NUP160: variants seen among roughly 807,000 people sequenced by gnomAD.
NUP160 encodes nucleoporin 160.
In NUP160, 94 loss-of-function variants were observed where a neutral mutation model predicts 196.9. The observed-to-expected ratio is 0.48, with a 90% CI of 0.40 to 0.57. The LOEUF is 0.57. Among genes scored for constraint, NUP160 ranks in the 20% least tolerant of loss-of-function variants. The probability of loss-of-function intolerance (pLI) is 0.00; values close to 1 mark genes in which losing one functional copy is unlikely to be tolerated. For missense variants in NUP160, 1,638 were observed against 1,748.3 expected, an observed-to-expected ratio of 0.94 and a Z score of 1.13; for synonymous variants, 605 against 619.7, an observed-to-expected ratio of 0.98 and a Z score of 0.35.
chr11:47,785,230 C>T (rs1382074934), intron 32 of NUP160, among the ~76,000 whole-genome samples, 167 bp from the exon 33 acceptor site: 1 of 151,700 alleles, frequency 6.6e-6, no homozygotes, highest in Non-Finnish European at 1.5e-5. Flanking sequence ...AGCCTCAGCC[C>T]CAGATTCTCC....
At chr11:47,791,156 TTC>T (rs2097667683) in intron 29 of NUP160, among the ~76,000 whole-genome samples, 2 of 79,422 alleles carry the variant, frequency 2.5e-5, no homozygotes, top group Non-Finnish European at 8.2e-5. Context: ...AAATTTTCTC[TTC>T]TTTTTTTTTA....
In NUP160 at chr11:47,781,841, A is replaced by G. The variant is rs2097661038; in HGVS notation, c.4116+1232T>C. ...TGCCATATTATTTTGATAGAGAAAGATGAAATTCCTATTTTATAAACAGGA... is the reference window on the plus strand; with the variant it reads ...TGCCATATTATTTTGATAGAGAAAGGTGAAATTCCTATTTTATAAACAGGA... On this transcript the variant is annotated intron_variant, in intron 34 of 35. Transcript: ENST00000378460. Among the ~76,000 whole-genome samples, 3 of 152,200 alleles carry G rather than the reference A, an allele frequency of 2.0e-5. No homozygotes were observed. In the South Asian group the frequency reaches 6.2e-4, roughly 32 times the overall value.
rs753596117 is a variant in NUP160 at position 47,822,112 on chromosome 11, T to C, written c.1154A>G (p.His385Arg). 12 of 1,610,458 alleles carry C rather than the reference T, an allele frequency of 7.5e-6. No individual in the cohort carries two copies. In the South Asian group the frequency reaches 1.0e-4, roughly 13 times the overall value. Residue 385 changes from histidine (H) to arginine (R), a missense_variant, in exon 8 of 36, where the codon CAT becomes CGT. This residue lies in a region of NUP160 where 1,345 missense variants were observed against 1,470.2 expected (regional missense o/e 0.91). Transcript: ENST00000378460. ...CTGAGAAGTGAACAGTGAAGAAATA[T>C]GATCGAGACTATAGCGATTACTCTC...
At chr11:47,796,324 C>G in intron 27 of NUP160, 1 of 696,108 alleles carries the variant, frequency 1.4e-6, no homozygotes, top group South Asian at 1.5e-5. Context: ...AGCTCCAGGG[C>G]TACCTGTGAT....
chr11:47,792,596 A>G, intron 28 of NUP160, 190 bp downstream of exon 28: 1 of 541,466 alleles, frequency 1.8e-6, no homozygotes, highest in Non-Finnish European at 3.1e-6. Context: ...AATAATTCTG[A>G]ACTTGAAAAC....
At chr11:47,819,311 T>TG in intron 10 of NUP160, 63 bp downstream of exon 10, 2 of 1,012,450 alleles carry the variant, frequency 2.0e-6, no homozygotes, top group South Asian at 1.3e-5. Context: ...AGACTCTGTC[T>TG]CAAAAAAAAA....
rs545158499 is a variant in NUP160 at position 47,792,613 on chromosome 11, G to A, written c.3450+173C>T. The A allele has an allele frequency of 1.0e-4, 63 of 615,450 alleles. 2 individuals are homozygous for A. In the South Asian group the frequency reaches 1.4e-3, roughly 14 times the overall value. 38.1% of individuals were successfully genotyped at this position (615,450 alleles called of 1,614,324 possible). On this transcript the variant is annotated intron_variant, in intron 28 of 35. Coordinates refer to ENST00000378460, the Ensembl canonical transcript of NUP160. ...TAATTCTGAACTTGAAAACTAAAGGGGTAGTAATATACAACAATTGAATTG... is the reference window on the plus strand; with the variant it reads ...TAATTCTGAACTTGAAAACTAAAGGAGTAGTAATATACAACAATTGAATTG...
intron 6 of NUP160, among the ~76,000 whole-genome samples, chr11:47,836,197 G>A (rs192842122): frequency 1.2e-4 from 18 of 152,234 alleles, no homozygotes; most frequent in Non-Finnish European, 2.5e-4. Flanking sequence ...GCAGTGAGGT[G>A]AGACTGCGCC....
At chr11:47,841,579 T>C (rs1427063197) in intron 2 of NUP160, 2 of 428,014 alleles carry the variant, frequency 4.7e-6, no homozygotes, top group African/African-American at 2.1e-5. Context: ...ATCTACGAGT[T>C]TGCCACCGAA....
intron 22 of NUP160, 80 bp from the exon 23 acceptor site, chr11:47,802,010 G>A: frequency 2.9e-6 from 4 of 1,385,212 alleles, no homozygotes; most frequent in Admixed American, 2.1e-5. Context: ...CACATGTAAG[G>A]GAAAGCCAAA....
exon 23 of NUP160, chr11:47,801,851 C>T: frequency 6.2e-7 from 1 of 1,613,930 alleles, no homozygotes; most frequent in South Asian, 1.1e-5. Flanking sequence ...CACGATCTCC[C>T]CATCCTCTGA....
chr11:47,826,722 T>C (rs984658826), intron 7 of NUP160, among the ~76,000 whole-genome samples: 2 of 151,984 alleles, frequency 1.3e-5, no homozygotes, highest in African/African-American at 4.8e-5. Context: ...GCCACCACGC[T>C]TGGCTAATTT....
At chr11:47,788,370 G>A in intron 30 of NUP160, 65 bp from the exon 31 acceptor site, 1 of 1,603,788 alleles carries the variant, frequency 6.2e-7, no homozygotes, top group Non-Finnish European at 8.5e-7. Context: ...CAAAGATTTT[G>A]TTTTGTTGAT....
chr11:47,798,990 T>C (rs1013396017), intron 23 of NUP160, among the ~76,000 whole-genome samples: 1 of 149,266 alleles, frequency 6.7e-6, no homozygotes, highest in African/African-American at 2.5e-5. Flanking sequence ...ATAAATACGA[T>C]TTCACTACTA....
At chr11:47,788,475 G>C in intron 30 of NUP160, 26 bp downstream of exon 30, 1 of 1,595,254 alleles carries the variant, frequency 6.3e-7, no homozygotes, top group East Asian at 2.2e-5. Flanking sequence ...TGACAAGTCA[G>C]AGGCTTTAAA....
At chr11:47,783,574 T>C (rs1480488316) in intron 33 of NUP160, among the ~76,000 whole-genome samples, 1 of 152,158 alleles carries the variant, frequency 6.6e-6, no homozygotes, top group Non-Finnish European at 1.5e-5. Context: ...ATAAGAAATA[T>C]ATGAATGACA....
At chr11:47,805,110 C>T (rs1175251475) in intron 20 of NUP160, among the ~76,000 whole-genome samples, 1 of 151,022 alleles carries the variant, frequency 6.6e-6, no homozygotes. Context: ...TAGAGTCATT[C>T]AATAAATATT....
At chr11:47,799,230 C>T (rs932143017) in intron 23 of NUP160, among the ~76,000 whole-genome samples, 21 of 151,888 alleles carry the variant, frequency 1.4e-4, no homozygotes, top group African/African-American at 5.1e-4. Context: ...GGATTACAGG[C>T]ATGCCCCACC....
At chr11:47,845,793 C>A (rs931535861) in intron 2 of NUP160, among the ~76,000 whole-genome samples, 6 of 152,166 alleles carry the variant, frequency 3.9e-5, no homozygotes, top group African/African-American at 1.4e-4. Context: ...ACCTCAGCCT[C>A]CTGAGTAGTT....
Sources: gnomAD v4.1 joint callset for allele counts (sites outside exome capture counted in the v4.1 genomes callset) on GRCh38, gnomAD v4.1.1 for gene constraint, gnomAD v4.1.1 regional missense constraint, MANE v1.5 for transcripts, NCBI Gene and HGNC (gene_info 2026-07-23, HGNC 2026-07-21) for gene names.